Variants in PARD3B observed in about 807,000 individuals in gnomAD.
PARD3B encodes the protein partitioning defective 3 homolog B.
Under a neutral mutation model 130.2 loss-of-function variants are expected in PARD3B, and 103 were observed. The observed-to-expected ratio is 0.79, with a 90% CI of 0.67 to 0.93. The LOEUF is 0.93. PARD3B is among the 40% of genes least tolerant of loss of function. The pLI is 0.00. For synonymous variants in PARD3B, 583 were observed against 553.2 expected, an observed-to-expected ratio of 1.05 and a Z score of -0.76; for missense variants, 1,609 against 1,499.2, an observed-to-expected ratio of 1.07 and a Z score of -1.21.
chr2:205,559,112 G>A (rs1313722675), intron 22 of PARD3B, among the ~76,000 whole-genome samples: 1 of 152,128 alleles, frequency 6.6e-6, no homozygotes, highest in African/African-American at 2.4e-5. Context: ...GGAGGCCTAA[G>A]TATGGGCTCC....
chr2:204,581,326 T>C (rs1433371631), intron 1 of PARD3B, among the ~76,000 whole-genome samples: 2 of 152,248 alleles, frequency 1.3e-5, no homozygotes, highest in African/African-American at 4.8e-5. Context: ...GTAAATTCTT[T>C]ATTCTTTTTC....
At chr2:205,213,577 C>T (rs1049590472) in intron 15 of PARD3B, among the ~76,000 whole-genome samples, 2 of 152,098 alleles carry the variant, frequency 1.3e-5, no homozygotes, top group African/African-American at 4.8e-5. Flanking sequence ...CCTTTTCCTA[C>T]ATCAAAAGAT....
intron 4 of PARD3B, among the ~76,000 whole-genome samples, chr2:205,066,960 G>C (rs1394317822): frequency 6.6e-6 from 1 of 152,028 alleles, no homozygotes; most frequent in Non-Finnish European, 1.5e-5. Context: ...GTGAGGGGAA[G>C]GGAGGTTGTG....
chr2:204,802,614 G>A (rs2042611591), intron 2 of PARD3B, among the ~76,000 whole-genome samples: 1 of 152,134 alleles, frequency 6.6e-6, no homozygotes, highest in Admixed American at 6.6e-5. Context: ...ATGATAGACT[G>A]GATAAAGAAA....
chr2:205,518,965 G>A (rs555387094), intron 21 of PARD3B, among the ~76,000 whole-genome samples: 16 of 152,108 alleles, frequency 1.1e-4, no homozygotes, highest in South Asian at 8.3e-4. Context: ...CATTAGCCTC[G>A]ATGGTGTTCC....
chr2:204,756,307 G>A (rs542745137), intron 2 of PARD3B, among the ~76,000 whole-genome samples: 108 of 152,206 alleles, frequency 7.1e-4, no homozygotes, highest in Non-Finnish European at 1.3e-3. Flanking sequence ...AGTGTCTTGA[G>A]TAGTGTGGCC....
intron 2 of PARD3B, among the ~76,000 whole-genome samples, chr2:204,935,551 A>T (rs1688386158): frequency 6.6e-6 from 1 of 151,438 alleles, no homozygotes; most frequent in Non-Finnish European, 1.5e-5. Context: ...AAACAAATAA[A>T]AAAGAATGTA....
chr2:205,184,603 G>A (rs575025542), intron 13 of PARD3B, among the ~76,000 whole-genome samples: 22 of 152,142 alleles, frequency 1.4e-4, no homozygotes, highest in South Asian at 8.3e-4. Context: ...TTAGCCAGGC[G>A]TGGTGGCGAG....
intron 2 of PARD3B, among the ~76,000 whole-genome samples, chr2:204,710,766 G>T (rs1291840798): frequency 6.6e-6 from 1 of 152,220 alleles, no homozygotes; most frequent in Non-Finnish European, 1.5e-5. Context: ...CCTGGAATCT[G>T]TATGGCGTCC....
At chr2:204,842,744 C>A (rs1465431398) in intron 2 of PARD3B, among the ~76,000 whole-genome samples, 3 of 152,054 alleles carry the variant, frequency 2.0e-5, no homozygotes, top group Non-Finnish European at 2.9e-5. Context: ...TTTGTTGAAA[C>A]CTGACTTCTG....
intron 18 of PARD3B, among the ~76,000 whole-genome samples, chr2:205,360,197 C>T (rs529237755): frequency 2.6e-5 from 4 of 152,226 alleles, no homozygotes; most frequent in Admixed American, 2.6e-4. Context: ...ATTCTTATAG[C>T]ATCTCATTCT....
In PARD3B at chr2:205,558,476, G is replaced by T. The variant is rs1437446999; in HGVS notation, c.3260+5073G>T. Among the ~76,000 whole-genome samples the T allele has an allele frequency of 6.6e-6, 1 of 152,102 alleles. No homozygotes were observed. Among genetic ancestry groups the T allele is most frequent in the Non-Finnish European group, 1.5e-5 (1 of 68,008 alleles). On this transcript the variant is annotated intron_variant, in intron 22 of 22. Coordinates refer to ENST00000406610, the MANE Select transcript of PARD3B (RefSeq NM_001302769.2). This position sits in a 1 kb window ranked among gnomAD's most constrained non-coding sequence, Gnocchi z 4.8. ...GGTCTACCCCATTAAATTGACTCTT[G>T]TATGTCAGAGAAAAACAAAGACCCT...
intron 2 of PARD3B, among the ~76,000 whole-genome samples, chr2:204,790,177 T>A (rs1004156856): frequency 6.6e-6 from 1 of 152,138 alleles, no homozygotes; most frequent in Non-Finnish European, 1.5e-5. Context: ...GCCTCTGATG[T>A]TTTTATAAAA....
At chr2:205,245,334 C>G (rs995220423) in intron 15 of PARD3B, among the ~76,000 whole-genome samples, 9 of 152,122 alleles carry the variant, frequency 5.9e-5, no homozygotes, top group African/African-American at 2.2e-4. Flanking sequence ...AATTACAAAT[C>G]TGTTCCCTTT....
intron 15 of PARD3B, among the ~76,000 whole-genome samples, chr2:205,242,377 A>G (rs527250762): frequency 6.6e-4 from 101 of 152,352 alleles, no homozygotes; most frequent in African/African-American, 2.3e-3. Flanking sequence ...ATTTGCAAGT[A>G]CTTAAATCAG....
intron 20 of PARD3B, among the ~76,000 whole-genome samples, chr2:205,478,257 G>A (rs116295831): frequency 1.8e-4 from 27 of 152,242 alleles, no homozygotes; most frequent in Non-Finnish European, 2.9e-4. Context: ...CACTAGGGGC[G>A]CCCCCATTAC....
chr2:205,337,647 C>T (rs1176568507), intron 18 of PARD3B, among the ~76,000 whole-genome samples: 1 of 152,054 alleles, frequency 6.6e-6, no homozygotes, highest in Non-Finnish European at 1.5e-5. Context: ...CAGTCTCTCC[C>T]AAGTTAAATA....
At chr2:204,987,032 C>T (rs181973686) in intron 3 of PARD3B, among the ~76,000 whole-genome samples, 2 of 152,262 alleles carry the variant, frequency 1.3e-5, no homozygotes, top group Non-Finnish European at 2.9e-5. Context: ...AAGGGACTCT[C>T]TCGTGTGGCT....
In PARD3B at chr2:205,264,876, T is replaced by C. The variant is rs186536394; in HGVS notation, c.2185+19054T>C. Among the ~76,000 whole-genome samples the C allele has an allele frequency of 2.8e-4, 42 of 151,222 alleles. 1 individual carries two copies. The highest frequency in any genetic ancestry group is 4.7e-4 in the Non-Finnish European group (32 of 67,612). ...TTGAAAATACTTTTTTTTACACACATACATATAAATTACAGGTTTGCAAAA... is the reference window on the plus strand; with the variant it reads ...TTGAAAATACTTTTTTTTACACACACACATATAAATTACAGGTTTGCAAAA... On this transcript the variant is annotated intron_variant, in intron 16 of 22. Transcript: ENST00000406610.
Sources: allele counts gnomAD v4.1 joint callset (sites outside exome capture counted in the v4.1 genomes callset), GRCh38; gene constraint gnomAD v4.1.1; non-coding constraint Gnocchi (gnomAD v3.1); transcripts MANE v1.5; gene names NCBI Gene and HGNC (gene_info 2026-07-23, HGNC 2026-07-21).